The following WDR82 variants were observed in gnomAD, a reference collection of about 807,000 sequenced individuals.
WDR82 encodes the protein WD repeat-containing protein 82.
A neutral mutation model predicts 36.1 loss-of-function variants in WDR82; 8 were observed. That is an observed-to-expected ratio of 0.22 (90% CI 0.13 to 0.40). The LOEUF (loss-of-function observed/expected upper bound fraction) is 0.40. WDR82 is among the 10% of genes least tolerant of loss of function. The probability of loss-of-function intolerance (pLI) is 1.00; values close to 1 mark genes in which losing one functional copy is unlikely to be tolerated. For missense variants in WDR82, 185 were observed against 400.5 expected (o/e 0.46, Z 4.59); for synonymous variants, 129 against 137.8 (o/e 0.94, Z 0.45).
chr3:52,257,710 C>T (rs1224445433), intron 8 of WDR82, among the ~76,000 whole-genome samples, 191 bp from the exon 9 acceptor site: 1 of 152,100 alleles, frequency 6.6e-6, no homozygotes, highest in African/African-American at 2.4e-5. Flanking sequence ...TAAAATGGTT[C>T]TGTTTTTCTC....
At chr3:52,260,774 T>C (rs1482604343) in intron 4 of WDR82, among the ~76,000 whole-genome samples, 2 of 152,230 alleles carry the variant, frequency 1.3e-5, no homozygotes, top group Non-Finnish European at 2.9e-5. Context: ...TGCACAATAT[T>C]ACAGACACAG....
At chr3:52,260,198 G>A (rs111670716) in intron 5 of WDR82, among the ~76,000 whole-genome samples, 187 bp downstream of exon 5, 2,297 of 152,170 alleles carry the variant, frequency 0.015, 81 homozygotes, top group African/African-American at 0.052. Context: ...GCGTGGTGGC[G>A]GACACGTGTA....
intron 1 of WDR82, among the ~76,000 whole-genome samples, chr3:52,274,530 A>AC (rs1439077614): frequency 6.6e-6 from 1 of 152,140 alleles, no homozygotes; most frequent in Non-Finnish European, 1.5e-5. Flanking sequence ...ATGCTATTGC[A>AC]CTCCAGCCTG....
At chr3:52,260,002 CTCTAATA>C in intron 5 of WDR82, 130 bp from the exon 6 acceptor site, 1 of 1,174,456 alleles carries the variant, frequency 8.5e-7, no homozygotes, top group Non-Finnish European at 1.2e-6. Flanking sequence ...CTCTGCCACT[CTCTAATA>C]TCTACCACAT....
chr3:52,264,783 G>C (rs1195800104), intron 3 of WDR82, among the ~76,000 whole-genome samples: 1 of 152,060 alleles, frequency 6.6e-6, no homozygotes, highest in Non-Finnish European at 1.5e-5. Context: ...GGAAGGGATA[G>C]ATGTTTAAAA....
chr3:52,271,600 T>C (rs576703586), intron 1 of WDR82, among the ~76,000 whole-genome samples: 36 of 151,186 alleles, frequency 2.4e-4, no homozygotes, highest in Admixed American at 1.1e-3. Flanking sequence ...TTTTTTTTTT[T>C]CAAGACGGCA....
intron 3 of WDR82, 92 bp from the exon 4 acceptor site, chr3:52,261,571 T>G: frequency 1.0e-6 from 1 of 983,894 alleles, no homozygotes; most frequent in Non-Finnish European, 1.4e-6. Context: ...TATACATATA[T>G]ATACCTGTTC....
Position 52,278,133 on chromosome 3 carries a change from G to A in WDR82, c.161+68C>T, listed in dbSNP as rs972938043. On this transcript the variant is annotated intron_variant, in intron 1 of 8. Coordinates refer to ENST00000296490, the MANE Select transcript of WDR82 (RefSeq NM_025222.4). ...CTGAAGTCGGGACGGAGGGCAGGCCGAGGGACCTGTGCTGGGCCACCGGAG... is the reference window on the plus strand; with the variant it reads ...CTGAAGTCGGGACGGAGGGCAGGCCAAGGGACCTGTGCTGGGCCACCGGAG... 37 of 1,409,624 alleles carry A rather than the reference G, an allele frequency of 2.6e-5. No individual in the cohort carries two copies. In the African/African-American group the frequency reaches 4.7e-4, roughly 18 times the overall value. The allele number at this position is 1,409,624 out of a possible 1,614,324, so 87.3% of individuals were successfully genotyped here. A position where few individuals can be genotyped will look rare whatever the true frequency, so the allele number is the denominator to read the frequency against.
chr3:52,255,460 A>T lies in WDR82; in HGVS notation c.*2030T>A, dbSNP rs576862081. On this transcript the variant is annotated 3_prime_UTR_variant, in exon 9 of 9. Transcript: ENST00000296490. ...TACCCGGAAAAGCCAGGGGTGGGCA[A>T]TAACAATTAAGATCATTTGGTTTCT... 1 of 152,164 alleles carries T rather than the reference A, an allele frequency of 6.6e-6. No homozygotes were observed. The highest frequency in any genetic ancestry group is 2.4e-5 in the African/African-American group (1 of 41,434). 9.4% of individuals were successfully genotyped at this position (152,164 alleles called of 1,614,324 possible). A position where few individuals can be genotyped will look rare whatever the true frequency, so the allele number is the denominator to read the frequency against.
chr3:52,270,639 G>T, intron 2 of WDR82, 73 bp downstream of exon 2: 1 of 1,121,170 alleles, frequency 8.9e-7, no homozygotes, highest in Non-Finnish European at 1.3e-6. Flanking sequence ...CAAAGCAGAA[G>T]TAGTCACAAA....
intron 3 of WDR82, among the ~76,000 whole-genome samples, chr3:52,261,971 T>C (rs1338052399): frequency 6.6e-6 from 1 of 151,978 alleles, no homozygotes; most frequent in East Asian, 1.9e-4. Flanking sequence ...AGATCTGCAC[T>C]ATTCATAACA....
rs528428428 is a variant in WDR82, at chr3:52,254,630, A to G, written c.*2860T>C. The G allele has an allele frequency of 4.6e-5, 7 of 152,782 alleles. No homozygotes were observed. Among genetic ancestry groups the G allele is most frequent in the African/African-American group, 9.6e-5 (4 of 41,584 alleles). 9.5% of individuals were successfully genotyped at this position (152,782 alleles called of 1,614,324 possible). ...AAACTTGATTCTTTCTAAAATTCCC[A>G]TATTTTCCTTAATAAGCAGTAATTA... On this transcript the variant is annotated 3_prime_UTR_variant, in exon 9 of 9. Transcript: ENST00000296490.
intron 1 of WDR82, among the ~76,000 whole-genome samples, chr3:52,276,771 C>T (rs1177451679): frequency 1.3e-5 from 2 of 152,156 alleles, no homozygotes; most frequent in Non-Finnish European, 2.9e-5. Context: ...ATGAGTAACA[C>T]TGACTCAAAT....
chr3:52,260,158 C>A (rs1022814639), intron 5 of WDR82, among the ~76,000 whole-genome samples: 1 of 152,060 alleles, frequency 6.6e-6, no homozygotes, highest in African/African-American at 2.4e-5. Flanking sequence ...TGGTGAAACC[C>A]ATCTCTACTA....
chr3:52,266,811 A>C, intron 3 of WDR82, 141 bp downstream of exon 3: 1 of 683,126 alleles, frequency 1.5e-6, no homozygotes, highest in South Asian at 1.5e-5. Flanking sequence ...TCAAGAGTTG[A>C]CTATTTAAGA....
At chr3:52,269,666 G>A (rs1700136507) in intron 2 of WDR82, among the ~76,000 whole-genome samples, 1 of 151,642 alleles carries the variant, frequency 6.6e-6, no homozygotes, top group Admixed American at 6.6e-5. Context: ...GGAGGCGGAG[G>A]TTGCAGCGAG....
intron 8 of WDR82, 135 bp from the exon 9 acceptor site, chr3:52,257,654 C>T: frequency 3.4e-6 from 3 of 888,472 alleles, no homozygotes; most frequent in Non-Finnish European, 5.5e-6. Flanking sequence ...ACCAACCAAC[C>T]CCGATGCTCT....
chr3:52,259,648 A>C, intron 6 of WDR82, 69 bp downstream of exon 6: 1 of 1,530,254 alleles, frequency 6.5e-7, no homozygotes, highest in Non-Finnish European at 8.8e-7. Context: ...TCCACCAACC[A>C]GCTAACATAA....
At chr3:52,258,811 G>A (rs1700033964) in intron 7 of WDR82, 133 bp from the exon 8 acceptor site, 7 of 1,269,276 alleles carry the variant, frequency 5.5e-6, no homozygotes, top group Middle Eastern at 1.9e-4. Flanking sequence ...TGAGAGGGAG[G>A]AGAGGCAGTG....
Sources: allele counts gnomAD v4.1 joint callset (sites outside exome capture counted in the v4.1 genomes callset), GRCh38; gene constraint gnomAD v4.1.1; transcripts MANE v1.5; gene names NCBI Gene and HGNC (gene_info 2026-07-23, HGNC 2026-07-21).